The following CALN1 variants were observed in gnomAD, a reference collection of about 807,000 sequenced individuals.
CALN1 encodes the protein calcium-binding protein 8.
A neutral mutation model predicts 30.6 loss-of-function variants in CALN1; 17 were observed. The observed-to-expected ratio is 0.56, with a 90% CI of 0.38 to 0.83. CALN1 has a LOEUF of 0.83. Ranked by LOEUF, CALN1 falls within the 40% of genes least tolerant of loss-of-function variation. CALN1 has a pLI of 0.00. For synonymous variants in CALN1, 156 were observed against 131.4 expected (o/e 1.19, Z -1.28); for missense variants, 291 against 354.9 (o/e 0.82, Z 1.45).
intron 2 of CALN1, among the ~76,000 whole-genome samples, chr7:72,385,015 C>T (rs1805129324): frequency 2.0e-5 from 3 of 151,970 alleles, no homozygotes; most frequent in African/African-American, 7.2e-5. Flanking sequence ...TACTCCTCCG[C>T]AAGAAAAAAT....
chr7:72,431,365 T>C (rs1247709990), intron 1 of CALN1, among the ~76,000 whole-genome samples: 1 of 152,208 alleles, frequency 6.6e-6, no homozygotes, highest in East Asian at 1.9e-4. Context: ...AGAACCCTCC[T>C]GATCTCTGCA....
At chr7:72,437,802 ACCTTCCTTCCTTCTTT>A (rs960574375) in intron 1 of CALN1, among the ~76,000 whole-genome samples, 2 of 69,636 alleles carry the variant, frequency 2.9e-5, no homozygotes, top group Non-Finnish European at 5.4e-5. Flanking sequence ...TTTCCTTCCT[ACCTTCCTTCCTTCTTT>A]CCTTCCTTCC....
chr7:72,183,540 G>T (rs183292470), intron 3 of CALN1, among the ~76,000 whole-genome samples: 14 of 152,264 alleles, frequency 9.2e-5, no homozygotes, highest in Admixed American at 9.2e-4. Flanking sequence ...TGAAGAAGAG[G>T]AATGAAGGAT....
chr7:72,323,673 AAT>A (rs1801061875), intron 2 of CALN1, among the ~76,000 whole-genome samples: 2 of 150,410 alleles, frequency 1.3e-5, no homozygotes, highest in African/African-American at 2.5e-5. Flanking sequence ...AAAAAAAAAA[AAT>A]AAAAAATAAA....
At chr7:72,376,595 TTCTC>T (rs1804569949) in intron 2 of CALN1, among the ~76,000 whole-genome samples, 1 of 152,246 alleles carries the variant, frequency 6.6e-6, no homozygotes, top group South Asian at 2.1e-4. Flanking sequence ...GTTCTTTATA[TTCTC>T]TACATTTGAC....
chr7:72,233,419 C>G (rs1337434527), intron 3 of CALN1, among the ~76,000 whole-genome samples: 2 of 151,846 alleles, frequency 1.3e-5, no homozygotes, highest in African/African-American at 2.4e-5. Flanking sequence ...TGTTTCCTTT[C>G]AAGAGAGAGA....
intron 3 of CALN1, among the ~76,000 whole-genome samples, chr7:72,277,452 C>T (rs979589369): frequency 6.6e-6 from 1 of 152,160 alleles, no homozygotes; most frequent in Non-Finnish European, 1.5e-5. Context: ...CAGTCTTTGT[C>T]CAGACCACAG....
At chr7:72,349,613 T>C (rs998363742) in intron 2 of CALN1, among the ~76,000 whole-genome samples, 4 of 152,224 alleles carry the variant, frequency 2.6e-5, no homozygotes, top group African/African-American at 9.6e-5. Flanking sequence ...ACATTTTTAA[T>C]GTGCTGAAAT....
At chr7:71,970,535 A>G (rs1486500186) in intron 5 of CALN1, among the ~76,000 whole-genome samples, 1 of 152,134 alleles carries the variant, frequency 6.6e-6, no homozygotes, top group Non-Finnish European at 1.5e-5. Context: ...AAGAAATCCA[A>G]TGCAAAATGG....
intron 6 of CALN1, among the ~76,000 whole-genome samples, chr7:71,792,392 T>C (rs1786620103): frequency 6.6e-6 from 1 of 152,194 alleles, no homozygotes; most frequent in Non-Finnish European, 1.5e-5. Flanking sequence ...TCTTTATTCC[T>C]TCTGAATCCA....
chr7:72,162,317 T>C (rs1019932094), intron 3 of CALN1, among the ~76,000 whole-genome samples: 1 of 151,952 alleles, frequency 6.6e-6, no homozygotes, highest in Admixed American at 6.6e-5. Context: ...AGACTAACCC[T>C]CCTACAGATA....
chr7:72,210,335 T>A (rs1208264639), intron 3 of CALN1, among the ~76,000 whole-genome samples: 1 of 152,184 alleles, frequency 6.6e-6, no homozygotes, highest in African/African-American at 2.4e-5. Flanking sequence ...TAAATTATTT[T>A]GTGCTAAGAT....
At chr7:72,237,127 G>A (rs1476995959) in intron 3 of CALN1, among the ~76,000 whole-genome samples, 2 of 152,058 alleles carry the variant, frequency 1.3e-5, no homozygotes, top group African/African-American at 4.8e-5. Flanking sequence ...TGAGATTACA[G>A]GCATGTGCCA....
At chr7:72,334,899 A>G (rs1243813765) in intron 2 of CALN1, among the ~76,000 whole-genome samples, 1 of 152,170 alleles carries the variant, frequency 6.6e-6, no homozygotes. Flanking sequence ...TGAACTCAAC[A>G]AACAGAGCCA....
chr7:72,428,713 G>A (rs1259992862), intron 1 of CALN1, among the ~76,000 whole-genome samples: 1 of 152,168 alleles, frequency 6.6e-6, no homozygotes, highest in East Asian at 1.9e-4. Flanking sequence ...AAAACTAGAA[G>A]GATGGTCTGG....
chr7:72,352,492 G>A (rs185781119), intron 2 of CALN1, among the ~76,000 whole-genome samples: 2 of 149,322 alleles, frequency 1.3e-5, no homozygotes, highest in African/African-American at 4.9e-5. Context: ...GTAATAAGAA[G>A]ACACCTTAAA....
At chr7:72,240,363 T>G (rs1794749024) in intron 3 of CALN1, among the ~76,000 whole-genome samples, 1 of 151,972 alleles carries the variant, frequency 6.6e-6, no homozygotes, top group Non-Finnish European at 1.5e-5. Context: ...CCAGGCTAGT[T>G]TTTTAACTTT....
chr7:72,045,572 A>G (rs899948212), intron 4 of CALN1, among the ~76,000 whole-genome samples: 19 of 152,128 alleles, frequency 1.2e-4, no homozygotes, highest in Non-Finnish European at 2.5e-4. Flanking sequence ...TCTGTTGCCC[A>G]GGCTGGAGTG....
rs146498116 is a variant in CALN1 at position 71,809,416 on chromosome 7, G to A, written c.658+920C>T. On this transcript the variant is annotated intron_variant, in intron 6 of 6. Coordinates refer to ENST00000395275, the MANE Select transcript of CALN1 (RefSeq NM_031468.4). Reference sequence around the variant, plus strand: ...AGGCAACCAAATATATCCTTCTAGTGTCTATGTGACAGCTTCCCAACTATG... The same window carrying A: ...AGGCAACCAAATATATCCTTCTAGTATCTATGTGACAGCTTCCCAACTATG... 2.6e-3 allele frequency among the ~76,000 whole-genome samples: 329 copies of A among 127,448 alleles called. 3 individuals are homozygous for A. The highest frequency in any genetic ancestry group is 8.7e-3 in the African/African-American group (294 of 33,748). The allele number at this position is 127,448 out of a possible 152,430, so 83.6% of individuals were successfully genotyped here. A position where few individuals can be genotyped will look rare whatever the true frequency, so the allele number is the denominator to read the frequency against.
Sources: allele counts gnomAD v4.1 joint callset (sites outside exome capture counted in the v4.1 genomes callset), GRCh38; gene constraint gnomAD v4.1.1; transcripts MANE v1.5; gene names NCBI Gene and HGNC (gene_info 2026-07-23, HGNC 2026-07-21).